Variants in KIAA1210 observed in about 807,000 individuals in gnomAD.
KIAA1210 encodes KIAA1210, also known as acrosomal protein KIAA1210.
Under a neutral mutation model 78.9 loss-of-function variants are expected in KIAA1210, and 48 were observed. The observed-to-expected ratio is 0.61, with a 90% CI of 0.48 to 0.77. The LOEUF is 0.77. KIAA1210 is among the 30% of genes least tolerant of loss of function. KIAA1210 has a pLI of 0.00. For missense variants in KIAA1210, 1,108 were observed against 1,100.0 expected (o/e 1.01, Z -0.10); for synonymous variants, 406 against 404.5 (o/e 1.00, Z -0.04).
chrX:119,099,978 G>A (rs1318973432), intron 6 of KIAA1210, among the ~76,000 whole-genome samples: 3 of 111,108 alleles, frequency 2.7e-5, no homozygotes, highest in Non-Finnish European at 5.7e-5. Context: ...GATTCCTTTT[G>A]GGAAGTGTGG....
At chrX:119,146,363 A>G (rs1929167589) in intron 2 of KIAA1210, among the ~76,000 whole-genome samples, 1 of 111,916 alleles carries the variant, frequency 8.9e-6, no homozygotes, top group African/African-American at 3.2e-5. Context: ...GCATTCCCAT[A>G]TAATATGCTG....
At chrX:119,149,884 C>G (rs938974175) in intron 1 of KIAA1210, among the ~76,000 whole-genome samples, 1 of 111,108 alleles carries the variant, frequency 9.0e-6, no homozygotes, top group African/African-American at 3.3e-5. Context: ...GCCTTCCTCT[C>G]GTCTCTCTTC....
chrX:119,115,580 T>C (rs1928233886), intron 3 of KIAA1210, among the ~76,000 whole-genome samples: 1 of 112,105 alleles, frequency 8.9e-6, no homozygotes, highest in Non-Finnish European at 1.9e-5. Flanking sequence ...ATAGAATGTA[T>C]TGGGGGAGAT....
chrX:119,135,764 TAGA>T (rs1466803106), intron 2 of KIAA1210, among the ~76,000 whole-genome samples: 4 of 111,632 alleles, frequency 3.6e-5, no homozygotes, highest in South Asian at 3.8e-4. Context: ...AAAGTAAAAG[TAGA>T]AGAAGGCCAG....
intron 2 of KIAA1210, among the ~76,000 whole-genome samples, chrX:119,119,370 T>C (rs1928373063): frequency 8.9e-6 from 1 of 112,143 alleles, no homozygotes; most frequent in Non-Finnish European, 1.9e-5. Context: ...AATTTCTGTT[T>C]TGGATGACTT....
intron 2 of KIAA1210, among the ~76,000 whole-genome samples, chrX:119,139,432 G>T (rs1477853075): frequency 9.0e-6 from 1 of 111,541 alleles, no homozygotes; most frequent in Non-Finnish European, 1.9e-5. Context: ...TATACTATTC[G>T]GGTGTTGGGT....
chrX:119,093,653 GA>G lies in KIAA1210; in HGVS notation c.955+13del, dbSNP rs1927458872. The G allele has an allele frequency of 1.7e-6, 2 of 1,146,081 alleles. No homozygotes were observed. The highest frequency in any genetic ancestry group is 1.8e-5 in the African/African-American group (1 of 55,801). The allele number at this position is 1,146,081 out of a possible 1,213,427, so 94.4% of individuals were successfully genotyped here. The stretch of plus-strand genomic sequence containing the variant: ...GTCATACATGTTTCTGGGTGAGGGT[GA>G]AGATATGCTAACCTGCACTGTCCAT... On this transcript the variant is annotated intron_variant, in intron 8 of 11. Coordinates refer to ENST00000691062, the MANE Select transcript of KIAA1210 (RefSeq NM_001394962.1).
intron 2 of KIAA1210, among the ~76,000 whole-genome samples, chrX:119,144,774 ATAATT>A (rs1411856023): frequency 6.2e-5 from 7 of 112,355 alleles, no homozygotes; most frequent in African/African-American, 2.3e-4. Context: ...TTTCTCATGC[ATAATT>A]TAATTTGATA....
chrX:119,125,735 ATTTTTT>A (rs1163974116), intron 1 of KIAA1210, among the ~76,000 whole-genome samples: 1 of 15,790 alleles, frequency 6.3e-5, no homozygotes, highest in African/African-American at 2.6e-4. Context: ...ATATATATAT[ATTTTTT>A]TTTTTTTTTT....
chrX:119,093,586 T>C (rs1219713115), intron 8 of KIAA1210, 81 bp downstream of exon 8: 1 of 674,836 alleles, frequency 1.5e-6, no homozygotes, highest in Non-Finnish European at 2.2e-6. Context: ...GGGTAGTTCT[T>C]GGGTATAGCT....
At chrX:119,144,129 C>T (rs1415033215) in intron 2 of KIAA1210, among the ~76,000 whole-genome samples, 1 of 112,101 alleles carries the variant, frequency 8.9e-6, no homozygotes, top group Admixed American at 9.4e-5. Flanking sequence ...TCATTAGGAG[C>T]CTGGGAGGCA....
chrX:119,095,253 C>T (rs1927514286), intron 7 of KIAA1210, among the ~76,000 whole-genome samples: 1 of 112,393 alleles, frequency 8.9e-6, no homozygotes, highest in Non-Finnish European at 1.9e-5. Context: ...AATGTTTGTA[C>T]TATACAATCT....
chrX:119,116,436 T>C lies in KIAA1210; in HGVS notation c.230+60A>G, dbSNP rs375910748. ...GTGATTTGGCTGCCGAAAGGTGACC[T>C]AGATCCAACTGCCTGCCTCTTCCCC... On this transcript the variant is annotated intron_variant, in intron 3 of 11. Transcript: ENST00000691062. 5.3e-6 allele frequency: 6 copies of C among 1,128,544 alleles called. No individual in the cohort carries two copies. The African/African-American group carries it at 7.3e-5, about 14-fold the overall frequency. 93.0% of individuals were successfully genotyped at this position (1,128,544 alleles called of 1,213,427 possible).
intron 1 of KIAA1210, among the ~76,000 whole-genome samples, chrX:119,126,006 G>A (rs1321902985): frequency 9.5e-6 from 1 of 105,188 alleles, no homozygotes; most frequent in African/African-American, 3.5e-5. Context: ...GAGACTTTGT[G>A]CCTATGATAA....
chrX:119,113,970 G>A (rs780712146), intron 3 of KIAA1210, among the ~76,000 whole-genome samples: 1 of 111,887 alleles, frequency 8.9e-6, no homozygotes, highest in African/African-American at 3.2e-5. Context: ...GGGGGAACCT[G>A]TTAATTGGTA....
intron 8 of KIAA1210, among the ~76,000 whole-genome samples, chrX:119,092,165 A>G (rs748446640): frequency 8.9e-6 from 1 of 112,088 alleles, no homozygotes; most frequent in South Asian, 3.7e-4. Flanking sequence ...TAAGAATTGC[A>G]TTGGTCCACA....
intron 2 of KIAA1210, among the ~76,000 whole-genome samples, chrX:119,119,699 G>A (rs1321143260): frequency 1.8e-5 from 2 of 111,397 alleles, no homozygotes; most frequent in Non-Finnish European, 3.8e-5. Flanking sequence ...AAAAAAGGCC[G>A]GGCGCGGTGG....
Position 119,096,629 on chromosome X carries a change from A to T in KIAA1210, c.711T>A (p.Leu237=). ...CSQSLTAFAT[L]ASTSSTQLPI... Reference sequence around the variant, plus strand: ...GCAGCTGGGTGCTACTGGTAGAGGCAAGTGTGGCAAATGCAGTCAAGGACT... The same window carrying T: ...GCAGCTGGGTGCTACTGGTAGAGGCTAGTGTGGCAAATGCAGTCAAGGACT... The change falls in exon 7 of 12, where the codon CTT becomes CTA. Residue 237 remains leucine, a synonymous_variant. Transcript: ENST00000691062. The T allele has an allele frequency of 8.3e-7, 1 of 1,210,493 alleles. No individual in the cohort carries two copies. The highest frequency in any genetic ancestry group is 1.1e-6 in the Non-Finnish European group (1 of 894,738).
chrX:119,085,286 G>A, intron 10 of KIAA1210, 97 bp downstream of exon 10: 1 of 776,326 alleles, frequency 1.3e-6, no homozygotes, highest in Non-Finnish European at 1.9e-6. Context: ...TTCCCAAAGA[G>A]AGGGGGAGCT....
Sources: gnomAD v4.1 joint callset for allele counts (sites outside exome capture counted in the v4.1 genomes callset) on GRCh38, gnomAD v4.1.1 for gene constraint, MANE v1.5 for transcripts, NCBI Gene and HGNC (gene_info 2026-07-23, HGNC 2026-07-21) for gene names.